PACRG: variants seen among roughly 807,000 people sequenced by gnomAD.
PACRG encodes the protein parkin coregulated gene protein.
A neutral mutation model predicts 29.7 loss-of-function variants in PACRG; 29 were observed. That is an observed-to-expected ratio of 0.98 (90% confidence interval 0.73 to 1.33). The LOEUF (loss-of-function observed/expected upper bound fraction) is 1.33. PACRG is among the 40% of genes most tolerant of loss of function. The probability of loss-of-function intolerance (pLI) is 0.00; values close to 1 mark genes in which losing one functional copy is unlikely to be tolerated. For missense variants in PACRG, 279 were observed against 316.2 expected (o/e 0.88, Z 0.89); for synonymous variants, 116 against 118.7 (o/e 0.98, Z 0.15).
chr6:162,762,311 A>T (rs563540001), intron 1 of PACRG, among the ~76,000 whole-genome samples: 1 of 152,204 alleles, frequency 6.6e-6, no homozygotes, highest in Non-Finnish European at 1.5e-5. Context: ...AAGAATACAC[A>T]GTGAAAAAAG....
intron 4 of PACRG, among the ~76,000 whole-genome samples, chr6:163,176,584 A>G (rs1010722862): frequency 1.3e-5 from 2 of 152,196 alleles, no homozygotes; most frequent in Non-Finnish European, 2.9e-5. Flanking sequence ...AAAAAAGGGG[A>G]GAAACTCAGA....
chr6:162,973,459 C>A (rs1470975821), intron 2 of PACRG, among the ~76,000 whole-genome samples: 1 of 152,164 alleles, frequency 6.6e-6, no homozygotes, highest in East Asian at 1.9e-4. Flanking sequence ...TCAGGGACTC[C>A]CACTCACCCC....
intron 4 of PACRG, among the ~76,000 whole-genome samples, chr6:163,285,914 G>A (rs1221577410): frequency 6.8e-6 from 1 of 147,250 alleles, no homozygotes; most frequent in Non-Finnish European, 1.5e-5. Flanking sequence ...CTGCTGGAAG[G>A]GACTGAATGA....
chr6:162,938,042 C>T (rs1798361593), intron 2 of PACRG, among the ~76,000 whole-genome samples: 1 of 152,126 alleles, frequency 6.6e-6, no homozygotes, highest in Non-Finnish European at 1.5e-5. Flanking sequence ...TTTTATCCCT[C>T]ACCCCCTTCC....
At chr6:162,792,390 A>G (rs1785027487) in intron 1 of PACRG, among the ~76,000 whole-genome samples, 1 of 152,182 alleles carries the variant, frequency 6.6e-6, no homozygotes, top group South Asian at 2.1e-4. Context: ...AGGGTTGCAG[A>G]GGGATTGAGC....
At chr6:162,743,541 G>A (rs1201323312) in intron 1 of PACRG, among the ~76,000 whole-genome samples, 1 of 151,716 alleles carries the variant, frequency 6.6e-6, no homozygotes, top group African/African-American at 2.4e-5. Context: ...TTATGCTTTG[G>A]TTTTCTTTGT....
intron 1 of PACRG, among the ~76,000 whole-genome samples, chr6:162,785,619 G>A (rs981187651): frequency 1.3e-5 from 2 of 152,114 alleles, no homozygotes; most frequent in Non-Finnish European, 1.5e-5. Flanking sequence ...GGATGAAACC[G>A]TTCTACCTTT....
intron 2 of PACRG, among the ~76,000 whole-genome samples, chr6:162,887,022 C>T (rs1281756056): frequency 6.6e-6 from 1 of 152,144 alleles, no homozygotes; most frequent in Non-Finnish European, 1.5e-5. Flanking sequence ...ATTCTCCTGC[C>T]TCAGCCTCCC....
intron 4 of PACRG, among the ~76,000 whole-genome samples, chr6:163,137,590 C>T (rs1260437371): frequency 6.6e-6 from 1 of 152,126 alleles, no homozygotes; most frequent in East Asian, 1.9e-4. Context: ...TCGAGAACAC[C>T]GTCAGTACTC....
rs1477694664 is a variant in PACRG, at chr6:162,947,644, A to G, written c.292-114506A>G. Among the ~76,000 whole-genome samples, 47 of 73,674 alleles carry G rather than the reference A, an allele frequency of 6.4e-4. 1 individual carries two copies. Among genetic ancestry groups the G allele is most frequent in the African/African-American group, 2.3e-3 (43 of 18,606 alleles). The allele number at this position is 73,674 out of a possible 152,430, so 48.3% of individuals were successfully genotyped here. On this transcript the variant is annotated intron_variant, in intron 2 of 4. Coordinates refer to ENST00000366888, the MANE Select transcript of PACRG (RefSeq NM_001080379.2). The stretch of plus-strand genomic sequence containing the variant: ...TATATATATATATATATATATATAT[A>G]TATACACCCAAAGATTCCACCAAAA...
At chr6:163,272,891 T>TC (rs1783887026) in intron 4 of PACRG, among the ~76,000 whole-genome samples, 1 of 119,102 alleles carries the variant, frequency 8.4e-6, no homozygotes, top group Admixed American at 7.8e-5. Flanking sequence ...GATGCATCAT[T>TC]CTTTTTTTTT....
At chr6:163,242,073 A>AT (rs1458141883) in intron 4 of PACRG, among the ~76,000 whole-genome samples, 2 of 151,712 alleles carry the variant, frequency 1.3e-5, no homozygotes. Context: ...AGAAAAAAAG[A>AT]TTTTTTTAAA....
At chr6:162,989,219 G>T (rs1458051014) in intron 2 of PACRG, among the ~76,000 whole-genome samples, 1 of 152,214 alleles carries the variant, frequency 6.6e-6, no homozygotes, top group Non-Finnish European at 1.5e-5. Context: ...CAGCTGGTTA[G>T]ATACTGATGC....
At chr6:162,821,785 A>G (rs576977850) in intron 2 of PACRG, among the ~76,000 whole-genome samples, 2 of 152,266 alleles carry the variant, frequency 1.3e-5, no homozygotes, top group South Asian at 4.1e-4. Flanking sequence ...CCAATTAGTA[A>G]TTTAATGAAC....
intron 2 of PACRG, among the ~76,000 whole-genome samples, chr6:163,005,503 C>T (rs1465090214): frequency 6.6e-6 from 1 of 151,762 alleles, no homozygotes; most frequent in Non-Finnish European, 1.5e-5. Context: ...TTACTCTTCA[C>T]TCAGTTAAAA....
At chr6:163,177,015 G>A (rs940127180) in intron 4 of PACRG, among the ~76,000 whole-genome samples, 5 of 152,168 alleles carry the variant, frequency 3.3e-5, no homozygotes. Flanking sequence ...GGGAGTTGAG[G>A]TGGATTCAGG....
chr6:162,994,998 C>T (rs9458708), intron 2 of PACRG, among the ~76,000 whole-genome samples: 43,208 of 150,076 alleles, frequency 0.29, 7,945 homozygotes, highest in Non-Finnish European at 0.4. Context: ...GAATACCCTG[C>T]CGAGTGAGGT....
At chr6:162,950,649 T>G (rs1799579907) in intron 2 of PACRG, among the ~76,000 whole-genome samples, 1 of 152,228 alleles carries the variant, frequency 6.6e-6, no homozygotes, top group Non-Finnish European at 1.5e-5. Context: ...TTTCAGTATT[T>G]AAAGCATATT....
intron 4 of PACRG, among the ~76,000 whole-genome samples, chr6:163,197,157 A>G (rs912358868): frequency 2.0e-5 from 3 of 152,200 alleles, no homozygotes. Context: ...ATATATTAGT[A>G]GAATGTGTCA....
Sources: gnomAD v4.1 joint callset for allele counts (sites outside exome capture counted in the v4.1 genomes callset) on GRCh38, gnomAD v4.1.1 for gene constraint, MANE v1.5 for transcripts, NCBI Gene and HGNC (gene_info 2026-07-23, HGNC 2026-07-21) for gene names.